ROR2: variants seen among roughly 807,000 people sequenced by gnomAD.
ROR2 encodes ROR family WNT receptor 2, also known as tyrosine-protein kinase transmembrane receptor ROR2.
In ROR2, 33 loss-of-function variants were observed where a neutral mutation model predicts 74.9. That is an observed-to-expected ratio of 0.44 (90% confidence interval 0.33 to 0.59). ROR2 has a LOEUF of 0.59. ROR2 is among the 20% of genes least tolerant of loss of function. ROR2 has a pLI of 0.02. For missense variants in ROR2, 1,216 were observed against 1,313.8 expected (o/e 0.93, Z 1.15); for synonymous variants, 586 against 558.7 (o/e 1.05, Z -0.69).
chr9:91,867,831 G>A (rs891940529), intron 1 of ROR2, among the ~76,000 whole-genome samples: 2 of 152,056 alleles, frequency 1.3e-5, no homozygotes, highest in Non-Finnish European at 2.9e-5. Flanking sequence ...AAGTAGAACC[G>A]GCATTGGGAC....
chr9:91,864,401 C>T (rs922090073), intron 1 of ROR2, among the ~76,000 whole-genome samples: 60 of 152,146 alleles, frequency 3.9e-4, no homozygotes, highest in African/African-American at 6.5e-4. Context: ...GCCAGGAACA[C>T]GAGCCATGGA....
chr9:91,780,216 A>C (rs1219034481), intron 1 of ROR2, among the ~76,000 whole-genome samples: 1 of 152,114 alleles, frequency 6.6e-6, no homozygotes, highest in Admixed American at 6.5e-5. Flanking sequence ...TCTCTACTAA[A>C]AATACAAAAA....
chr9:91,774,313 T>C (rs1826343554), intron 2 of ROR2, among the ~76,000 whole-genome samples: 1 of 152,156 alleles, frequency 6.6e-6, no homozygotes. Context: ...TTTAAACAAC[T>C]GACCTCCATG....
At chr9:91,748,762 G>A (rs1047833943) in intron 4 of ROR2, among the ~76,000 whole-genome samples, 2 of 152,250 alleles carry the variant, frequency 1.3e-5, no homozygotes, top group African/African-American at 2.4e-5. Flanking sequence ...GCCGGGCCTG[G>A]TGGCTCACGC....
chr9:91,791,996 C>T (rs923150605), intron 1 of ROR2, among the ~76,000 whole-genome samples: 1 of 152,024 alleles, frequency 6.6e-6, no homozygotes, highest in African/African-American at 2.4e-5. Context: ...TCTTAAATAA[C>T]CAACAAGGCA....
chr9:91,941,531 TAACA>T (rs1489110302), intron 1 of ROR2, among the ~76,000 whole-genome samples: 4 of 152,180 alleles, frequency 2.6e-5, no homozygotes, highest in African/African-American at 9.7e-5. Context: ...TCTGCACAAT[TAACA>T]AACTCAGGAA....
chr9:91,857,523 C>T (rs961143234), intron 1 of ROR2, among the ~76,000 whole-genome samples: 1 of 152,210 alleles, frequency 6.6e-6, no homozygotes, highest in African/African-American at 2.4e-5. Context: ...GCAGGAGACT[C>T]GCAGGCACCA....
chr9:91,773,177 G>C (rs1348379569), intron 2 of ROR2, among the ~76,000 whole-genome samples: 2 of 152,142 alleles, frequency 1.3e-5, no homozygotes, highest in Non-Finnish European at 2.9e-5. Flanking sequence ...CCACAAGGAA[G>C]CCCCCGGGTG....
chr9:91,933,375 A>C (rs117503609), intron 1 of ROR2, among the ~76,000 whole-genome samples: 2 of 151,294 alleles, frequency 1.3e-5, no homozygotes, highest in Admixed American at 6.6e-5. Context: ...ATACTCACAG[A>C]GTTAAAAAAA....
At chr9:91,727,536 T>A (rs1427760818) in intron 7 of ROR2, among the ~76,000 whole-genome samples, 1 of 152,010 alleles carries the variant, frequency 6.6e-6, no homozygotes, top group East Asian at 1.9e-4. Flanking sequence ...CAGGGCTGGC[T>A]CCTCCCAGGC....
At chr9:91,730,119 T>C (rs937251957) in intron 7 of ROR2, among the ~76,000 whole-genome samples, 3 of 152,132 alleles carry the variant, frequency 2.0e-5, no homozygotes, top group African/African-American at 7.2e-5. Flanking sequence ...ATTTTTGTAT[T>C]TTTTGTAGAG....
Position 91,733,285 on chromosome 9 carries a change from C to A in ROR2, c.774G>T (p.Val258=). ...CCTGGCGGCACAGGTCGCTCTCCAG[C>A]ACCTCGCACTCGTCGCGGCACAGCT... ...PRELCRDECE[V]LESDLCRQEY... is the part of the protein sequence containing the mutation. The change falls in exon 6 of 9, where the codon GTG becomes GTT. Residue 258 remains valine, a synonymous_variant. Coordinates refer to ENST00000375708, the MANE Select transcript of ROR2 (RefSeq NM_004560.4). This position sits in a 1 kb window ranked among gnomAD's most constrained non-coding sequence, Gnocchi z 5.7. 6.2e-7 allele frequency: 1 copy of A among 1,613,022 alleles called. No homozygotes were observed. The highest frequency in any genetic ancestry group is 8.5e-7 in the Non-Finnish European group (1 of 1,179,800).
intron 7 of ROR2, among the ~76,000 whole-genome samples, chr9:91,730,130 A>C (rs1490963752): frequency 6.6e-6 from 1 of 152,044 alleles, no homozygotes; most frequent in Admixed American, 6.6e-5. Flanking sequence ...TTTTGTAGAG[A>C]CGGGTTTTTG....
At chr9:91,768,405 A>G (rs1405463301) in intron 2 of ROR2, among the ~76,000 whole-genome samples, 2 of 152,210 alleles carry the variant, frequency 1.3e-5, no homozygotes, top group Non-Finnish European at 2.9e-5. Context: ...CCACCCAAAG[A>G]GACAGAGACA....
At chr9:91,913,709 G>A (rs1284379957) in intron 1 of ROR2, among the ~76,000 whole-genome samples, 1 of 152,134 alleles carries the variant, frequency 6.6e-6, no homozygotes, top group Non-Finnish European at 1.5e-5. Context: ...CACCAATCTT[G>A]ACAGTTTAAA....
chr9:91,856,895 A>AT (rs1454134028), intron 1 of ROR2, among the ~76,000 whole-genome samples: 2 of 152,196 alleles, frequency 1.3e-5, no homozygotes, highest in Admixed American at 6.5e-5. Context: ...CAGGGGTATT[A>AT]TTTTAACCAT....
chr9:91,814,506 G>A (rs575439811), intron 1 of ROR2, among the ~76,000 whole-genome samples: 20 of 152,260 alleles, frequency 1.3e-4, no homozygotes, highest in Admixed American at 3.3e-4. Context: ...ACTGCCAGCC[G>A]CTGACAAGCC....
At chr9:91,908,814 G>C (rs1026100671) in intron 1 of ROR2, among the ~76,000 whole-genome samples, 2 of 152,118 alleles carry the variant, frequency 1.3e-5, no homozygotes, top group African/African-American at 4.8e-5. Flanking sequence ...TGCCAATTAA[G>C]AAAAGTGACT....
intron 4 of ROR2, among the ~76,000 whole-genome samples, chr9:91,741,430 G>A (rs1219386773): frequency 4.0e-5 from 6 of 151,880 alleles, no homozygotes; most frequent in Non-Finnish European, 1.5e-5. Flanking sequence ...AGACTGTGAT[G>A]GCAGGTGCTC....
Sources: allele counts gnomAD v4.1 joint callset (sites outside exome capture counted in the v4.1 genomes callset), GRCh38; gene constraint gnomAD v4.1.1; non-coding constraint Gnocchi (gnomAD v3.1); transcripts MANE v1.5; gene names NCBI Gene and HGNC (gene_info 2026-07-23, HGNC 2026-07-21).